The following BICD1 variants were observed in gnomAD, a reference collection of about 807,000 sequenced individuals.
BICD1 encodes BICD cargo adaptor 1, also known as protein bicaudal D homolog 1.
A neutral mutation model predicts 92.5 loss-of-function variants in BICD1; 35 were observed. The observed-to-expected ratio is 0.38, with a 90% CI of 0.29 to 0.50. The LOEUF (loss-of-function observed/expected upper bound fraction) is 0.50. Ranked by LOEUF, BICD1 falls within the 20% of genes least tolerant of loss-of-function variation. The probability of loss-of-function intolerance (pLI) is 0.93; values close to 1 mark genes in which losing one functional copy is unlikely to be tolerated. For synonymous variants in BICD1, 429 were observed against 465.1 expected, an observed-to-expected ratio of 0.92 and a Z score of 1.00; for missense variants, 950 against 1,189.8, an observed-to-expected ratio of 0.80 and a Z score of 2.97.
chr12:32,107,515 C>T lies in BICD1; in HGVS notation c.184C>T (p.Leu62Phe). ...TGAACTGGAGGCTGAGTACGACAGC[C>T]TCAAACAGGAGCTGGAGCAGCTCAA... is the stretch of plus-strand genomic sequence containing the variant. The part of the protein sequence containing the change: ...YDELEAEYDS[L>F]KQELEQLKEA... The change falls in exon 1 of 10, where the codon CTC becomes TTC. Residue 62 changes from leucine (L) to phenylalanine (F), a missense_variant. Around this residue, in one of 5 missense-constraint regions of BICD1, gnomAD observed 202 missense variants for 205.3 expected, o/e 0.98. Coordinates refer to ENST00000652176, the MANE Select transcript of BICD1 (RefSeq NM_001714.4). 6.2e-7 allele frequency: 1 copy of T among 1,601,032 alleles called. No homozygotes were observed. Among genetic ancestry groups the T allele is most frequent in the African/African-American group, 1.3e-5 (1 of 74,886 alleles).
chr12:32,267,621 A>AT (rs1027833721), intron 2 of BICD1, among the ~76,000 whole-genome samples: 2 of 151,454 alleles, frequency 1.3e-5, no homozygotes, highest in African/African-American at 2.4e-5. Flanking sequence ...TTATTAAGCT[A>AT]TTTTTTTGTT....
chr12:32,223,401 C>T (rs1193558428), intron 2 of BICD1, among the ~76,000 whole-genome samples: 1 of 151,984 alleles, frequency 6.6e-6, no homozygotes, highest in Non-Finnish European at 1.5e-5. Context: ...GCCCGTAGTC[C>T]CAGCTACTCG....
chr12:32,370,389 G>C (rs1939692817), intron 9 of BICD1, among the ~76,000 whole-genome samples: 1 of 151,772 alleles, frequency 6.6e-6, no homozygotes, highest in South Asian at 2.1e-4. Context: ...TGTAATTATA[G>C]ATTTATCTCA....
At chr12:32,230,312 A>T (rs1445566955) in intron 2 of BICD1, among the ~76,000 whole-genome samples, 2 of 152,032 alleles carry the variant, frequency 1.3e-5, no homozygotes, top group Non-Finnish European at 2.9e-5. Flanking sequence ...AGATGGAAGG[A>T]TTGCTTGAGC....
rs1185628924 is a variant in BICD1, at chr12:32,374,910, C to CTTTTTT, written c.2841-2609_2841-2604dup. On this transcript the variant is annotated intron_variant, in intron 9 of 9. Transcript: ENST00000652176. ...CCTAAGATTTTCTTCATTTATTTTC[C>CTTTTTT]TTTTTTTTTTTTTTTTTTTTTTTTT... is the stretch of plus-strand genomic sequence containing the variant. Among the ~76,000 whole-genome samples the CTTTTTT allele has an allele frequency of 2.4e-4, 12 of 49,604 alleles. 2 individuals are homozygous for CTTTTTT. Among genetic ancestry groups the CTTTTTT allele is most frequent in the Admixed American group, 5.3e-4 (2 of 3,802 alleles). 32.5% of individuals were successfully genotyped at this position (49,604 alleles called of 152,430 possible). A position where few individuals can be genotyped will look rare whatever the true frequency, so the allele number is the denominator to read the frequency against.
intron 2 of BICD1, among the ~76,000 whole-genome samples, chr12:32,274,892 A>G (rs533093940): frequency 6.6e-6 from 1 of 152,292 alleles, no homozygotes; most frequent in East Asian, 1.9e-4. Context: ...GTAAAATGGG[A>G]CTAATAATGG....
At chr12:32,294,168 GT>G (rs746397745) in intron 3 of BICD1, 22 bp downstream of exon 3, 1 of 1,577,898 alleles carries the variant, frequency 6.3e-7, no homozygotes, top group Non-Finnish European at 8.6e-7. Flanking sequence ...GAAATTTTTT[GT>G]TATACTGAAG....
intron 2 of BICD1, among the ~76,000 whole-genome samples, chr12:32,272,713 C>T (rs982372000): frequency 6.6e-6 from 1 of 152,184 alleles, no homozygotes; most frequent in African/African-American, 2.4e-5. Context: ...GTAATCTCAG[C>T]TACTAGTGAG....
rs191965296 is a variant in BICD1 at position 32,189,386 on chromosome 12, C to T, written c.214-26861C>T. Among the ~76,000 whole-genome samples the T allele has an allele frequency of 1.5e-3, 221 of 152,290 alleles. 1 individual carries two copies. Among genetic ancestry groups the T allele is most frequent in the Non-Finnish European group, 4.7e-4 (32 of 68,018 alleles). On this transcript the variant is annotated intron_variant, in intron 1 of 9. Coordinates refer to ENST00000652176, the MANE Select transcript of BICD1 (RefSeq NM_001714.4). ...CCTATGGTAATGTCTTTCTCTTTTT[C>T]TCCTCCTCTTCCTCCTACTCCCTAT...
At chr12:32,250,974 T>G (rs1348463584) in intron 2 of BICD1, among the ~76,000 whole-genome samples, 1 of 152,074 alleles carries the variant, frequency 6.6e-6, no homozygotes, top group African/African-American at 2.4e-5. Context: ...GGTGACACAG[T>G]GAGACCCTGT....
At chr12:32,204,419 G>T (rs1380369842) in intron 1 of BICD1, among the ~76,000 whole-genome samples, 1 of 151,920 alleles carries the variant, frequency 6.6e-6, no homozygotes, top group African/African-American at 2.4e-5. Context: ...AGTAATCAGG[G>T]AAATGCAAAT....
At chr12:32,145,194 A>G (rs947462506) in intron 1 of BICD1, among the ~76,000 whole-genome samples, 1 of 152,202 alleles carries the variant, frequency 6.6e-6, no homozygotes, top group African/African-American at 2.4e-5. Flanking sequence ...AGAAAGAATA[A>G]AAAAGCCATA....
chr12:32,315,772 G>T (rs1205337110), intron 4 of BICD1, among the ~76,000 whole-genome samples: 1 of 152,042 alleles, frequency 6.6e-6, no homozygotes, highest in Non-Finnish European at 1.5e-5. Flanking sequence ...CTATACAACT[G>T]TTCTGTTTTT....
intron 2 of BICD1, among the ~76,000 whole-genome samples, chr12:32,235,994 G>A (rs141467866): frequency 2.6e-4 from 39 of 151,578 alleles, no homozygotes; most frequent in Admixed American, 6.6e-4. Flanking sequence ...CACTGCGCCT[G>A]GCCCAAACTT....
At chr12:32,227,564 T>C (rs1945741591) in intron 2 of BICD1, 1 of 153,474 alleles carries the variant, frequency 6.5e-6, no homozygotes. Flanking sequence ...GACCAGAGGT[T>C]CCATGAGCCC....
chr12:32,135,255 A>C (rs1280692048), intron 1 of BICD1, among the ~76,000 whole-genome samples: 1 of 151,228 alleles, frequency 6.6e-6, no homozygotes, highest in Non-Finnish European at 1.5e-5. Flanking sequence ...TGCCTGGCTA[A>C]TTTTATATTT....
In BICD1 at chr12:32,137,077, G is replaced by T. The variant is rs531474651; in HGVS notation, c.213+29533G>T. On this transcript the variant is annotated intron_variant, in intron 1 of 9. Coordinates refer to ENST00000652176, the MANE Select transcript of BICD1 (RefSeq NM_001714.4). The stretch of plus-strand genomic sequence containing the variant: ...TAGTATTTTTAAGTTAGGTTTTTTT[G>T]TTGTTGTTGTTTTTGTTTTTGTTTT... Among the ~76,000 whole-genome samples, 127 of 152,066 alleles carry T rather than the reference G, an allele frequency of 8.4e-4. 2 individuals are homozygous for T. The highest frequency in any genetic ancestry group is 2.2e-3 in the African/African-American group (90 of 41,510).
At chr12:32,186,403 G>A (rs537975711) in intron 1 of BICD1, among the ~76,000 whole-genome samples, 6 of 152,228 alleles carry the variant, frequency 3.9e-5, no homozygotes, top group Admixed American at 1.3e-4. Context: ...AGTGGCCACC[G>A]TATTGGACCA....
chr12:32,128,674 T>C (rs1942428482), intron 1 of BICD1, among the ~76,000 whole-genome samples: 1 of 152,224 alleles, frequency 6.6e-6, no homozygotes, highest in Admixed American at 6.5e-5. Context: ...TGTTTATAGT[T>C]TATATTTTCA....
Sources: allele counts gnomAD v4.1 joint callset (sites outside exome capture counted in the v4.1 genomes callset), GRCh38; gene constraint gnomAD v4.1.1; regional missense constraint gnomAD v4.1.1; transcripts MANE v1.5; gene names NCBI Gene and HGNC (gene_info 2026-07-23, HGNC 2026-07-21).